Variants in NIPAL2 observed in about 807,000 individuals in gnomAD.
The protein encoded by NIPAL2 is NIPA-like protein 2.
NIPAL2 carries 43 observed loss-of-function variants against 48.9 expected under a neutral mutation model. The observed-to-expected ratio is 0.88, with a 90% CI of 0.69 to 1.13. The LOEUF (loss-of-function observed/expected upper bound fraction) is 1.13. Ranked by LOEUF, NIPAL2 falls within the 50% of genes most tolerant of loss-of-function variation. NIPAL2 has a pLI of 0.00. For synonymous variants in NIPAL2, 167 were observed against 174.6 expected (o/e 0.96, Z 0.34); for missense variants, 446 against 461.4 (o/e 0.97, Z 0.31).
chr8:98,201,728 T>C (rs953772241), intron 8 of NIPAL2, among the ~76,000 whole-genome samples: 1 of 152,240 alleles, frequency 6.6e-6, no homozygotes. Context: ...CACATCAATA[T>C]GCAATCTTTT....
chr8:98,193,971 A>G (rs1353127843), intron 10 of NIPAL2, among the ~76,000 whole-genome samples: 3 of 152,180 alleles, frequency 2.0e-5, no homozygotes, highest in Non-Finnish European at 4.4e-5. Flanking sequence ...GCATGGGGCC[A>G]TATTTCTCAG....
chr8:98,263,031 G>A (rs1814457403), intron 1 of NIPAL2, among the ~76,000 whole-genome samples: 5 of 146,632 alleles, frequency 3.4e-5, no homozygotes, highest in African/African-American at 7.7e-5. Context: ...AATGACTACT[G>A]GGTACATAAC....
chr8:98,196,635 G>A (rs1013847140), intron 8 of NIPAL2, among the ~76,000 whole-genome samples: 3 of 152,236 alleles, frequency 2.0e-5, no homozygotes, highest in Non-Finnish European at 4.4e-5. Flanking sequence ...GCTTCTCTCC[G>A]TCTTGGTCTC....
chr8:98,277,612 C>T (rs1316041030), intron 1 of NIPAL2, among the ~76,000 whole-genome samples: 3 of 152,108 alleles, frequency 2.0e-5, no homozygotes, highest in African/African-American at 2.4e-5. Flanking sequence ...TTTCCCATTC[C>T]CTCCTCCCCA....
intron 4 of NIPAL2, among the ~76,000 whole-genome samples, chr8:98,231,392 T>C (rs563638423): frequency 6.6e-6 from 1 of 152,268 alleles, no homozygotes. Flanking sequence ...TGACTTCTGG[T>C]GTGGGAAATG....
At chr8:98,213,384 T>C (rs1811418333) in intron 5 of NIPAL2, among the ~76,000 whole-genome samples, 1 of 152,232 alleles carries the variant, frequency 6.6e-6, no homozygotes, top group Admixed American at 6.5e-5. Context: ...TCACCATGTA[T>C]TATATTTGTG....
intron 1 of NIPAL2, among the ~76,000 whole-genome samples, chr8:98,259,404 T>G (rs1248616633): frequency 2.0e-5 from 3 of 152,200 alleles, no homozygotes; most frequent in South Asian, 4.1e-4. Context: ...ACAGGTTTAT[T>G]TTTGCCCAAA....
In NIPAL2 at chr8:98,273,659, C is replaced by A. The variant is rs182124800; in HGVS notation, c.136-19572G>T. ...CAGTCTCTTCTCCCTCTCAGAGATACGTAATTTTCTGAGGTTGATATATTT... is the reference window on the plus strand; with the variant it reads ...CAGTCTCTTCTCCCTCTCAGAGATAAGTAATTTTCTGAGGTTGATATATTT... On this transcript the variant is annotated intron_variant, in intron 1 of 10. Coordinates refer to ENST00000430223, the MANE Select transcript of NIPAL2 (RefSeq NM_001321635.2). Among the ~76,000 whole-genome samples, 488 of 152,112 alleles carry A rather than the reference C, an allele frequency of 3.2e-3. 1 individual carries two copies. The highest frequency in any genetic ancestry group is 0.011 in the African/African-American group (455 of 41,528).
intron 3 of NIPAL2, among the ~76,000 whole-genome samples, chr8:98,245,717 TA>T (rs1813276426): frequency 6.6e-6 from 1 of 152,232 alleles, no homozygotes; most frequent in Non-Finnish European, 1.5e-5. Flanking sequence ...TCTCTAGAAA[TA>T]CTCTTGTGGC....
Position 98,222,483 on chromosome 8 carries a change from T to TAGATCAGG in NIPAL2, c.546_553dup (p.Tyr185SerfsTer2). 6.2e-7 allele frequency: 1 copy of TAGATCAGG among 1,613,296 alleles called. No individual in the cohort carries two copies. Among genetic ancestry groups the TAGATCAGG allele is most frequent in the African/African-American group, 1.3e-5 (1 of 75,038 alleles). The stretch of plus-strand genomic sequence containing the variant: ...TAAAATATTTAGAATTCTTACCACA[T>TAGATCAGG]AGATCAGGAACTGCCATCCGACAAG... On this transcript the variant is annotated stop_gained and frameshift_variant, in exon 5 of 11. Coordinates refer to ENST00000430223, the MANE Select transcript of NIPAL2 (RefSeq NM_001321635.2). LOFTEE classifies it high-confidence loss of function.
At chr8:98,280,398 T>A (rs1815731184) in intron 1 of NIPAL2, among the ~76,000 whole-genome samples, 1 of 152,104 alleles carries the variant, frequency 6.6e-6, no homozygotes, top group South Asian at 2.1e-4. Flanking sequence ...CAATAAAACA[T>A]GCATGAACTG....
intron 1 of NIPAL2, among the ~76,000 whole-genome samples, chr8:98,292,100 C>T (rs1472313191): frequency 6.6e-6 from 1 of 152,192 alleles, no homozygotes; most frequent in Non-Finnish European, 1.5e-5. Context: ...CCAATGGAGG[C>T]AAGCAAATAA....
intron 1 of NIPAL2, among the ~76,000 whole-genome samples, chr8:98,289,173 T>C (rs1357092852): frequency 1.3e-5 from 2 of 152,230 alleles, no homozygotes; most frequent in African/African-American, 4.8e-5. Context: ...TATTTTAATC[T>C]ATAGGTCATC....
intron 1 of NIPAL2, among the ~76,000 whole-genome samples, chr8:98,279,454 T>C (rs796378642): frequency 2.0e-5 from 3 of 152,348 alleles, no homozygotes; most frequent in African/African-American, 7.2e-5. Context: ...TTTTCTAACA[T>C]TTTAGAATTA....
At chr8:98,289,690 A>G (rs1816390135) in intron 1 of NIPAL2, among the ~76,000 whole-genome samples, 1 of 152,098 alleles carries the variant, frequency 6.6e-6, no homozygotes, top group Admixed American at 6.6e-5. Context: ...AAAATCTGAT[A>G]AAGGAAAAAA....
At chr8:98,216,077 T>A (rs563476522) in intron 5 of NIPAL2, among the ~76,000 whole-genome samples, 11 of 152,346 alleles carry the variant, frequency 7.2e-5, no homozygotes, top group African/African-American at 2.6e-4. Flanking sequence ...CCTATGGCCA[T>A]AGCATATGGC....
intron 7 of NIPAL2, among the ~76,000 whole-genome samples, chr8:98,204,185 G>A (rs1236552433): frequency 6.6e-6 from 1 of 152,126 alleles, no homozygotes; most frequent in Non-Finnish European, 1.5e-5. Flanking sequence ...TAATTCAGAA[G>A]AAACAGATAA....
At chr8:98,195,301 G>C (rs770965297) in intron 9 of NIPAL2, among the ~76,000 whole-genome samples, 11 of 151,990 alleles carry the variant, frequency 7.2e-5, no homozygotes, top group Non-Finnish European at 1.3e-4. Flanking sequence ...AATAGCCTAG[G>C]CTCAAGTTTG....
At chr8:98,278,874 A>G (rs1815634484) in intron 1 of NIPAL2, among the ~76,000 whole-genome samples, 1 of 152,210 alleles carries the variant, frequency 6.6e-6, no homozygotes, top group African/African-American at 2.4e-5. Context: ...TACCAAACAC[A>G]CAGTTTCTGT....
Sources: allele counts gnomAD v4.1 joint callset (sites outside exome capture counted in the v4.1 genomes callset), GRCh38; gene constraint gnomAD v4.1.1; transcripts MANE v1.5; gene names NCBI Gene and HGNC (gene_info 2026-07-23, HGNC 2026-07-21).